Variants in NBEAL1 observed in about 807,000 individuals in gnomAD.
The protein encoded by NBEAL1 is neurobeachin-like protein 1.
A neutral mutation model predicts 351.3 loss-of-function variants in NBEAL1; 273 were observed. The observed-to-expected ratio is 0.78, with a 90% CI of 0.70 to 0.86. The LOEUF is 0.86. Among genes scored for constraint, NBEAL1 ranks in the 40% least tolerant of loss-of-function variants. NBEAL1 has a pLI of 0.00. For synonymous variants in NBEAL1, 1,050 were observed against 1,086.4 expected, an observed-to-expected ratio of 0.97 and a Z score of 0.66; for missense variants, 2,961 against 3,201.3, an observed-to-expected ratio of 0.92 and a Z score of 1.81.
chr2:203,100,648 G>A (rs1380251657), intron 12 of NBEAL1, among the ~76,000 whole-genome samples: 2 of 150,948 alleles, frequency 1.3e-5, no homozygotes, highest in Non-Finnish European at 2.9e-5. Context: ...CTGGTTTCAA[G>A]TGATGCTCCT....
In NBEAL1 at chr2:203,077,893, T is replaced by C. The variant is rs939766578; in HGVS notation, c.684+56T>C. ...AATTATAATTAACAGTGCAAAAAGCTTTCCATAGATTTAGTATGTTCTTTG... is the reference window on the plus strand; with the variant it reads ...AATTATAATTAACAGTGCAAAAAGCCTTCCATAGATTTAGTATGTTCTTTG... On this transcript the variant is annotated intron_variant, in intron 8 of 55. Coordinates refer to ENST00000683969, the MANE Select transcript of NBEAL1 (RefSeq NM_001378026.1). The C allele has an allele frequency of 4.4e-6, 4 of 910,354 alleles. No individual in the cohort carries two copies. The African/African-American group carries it at 6.9e-5, about 16-fold the overall frequency. The allele number at this position is 910,354 out of a possible 1,614,324, so 56.4% of individuals were successfully genotyped here.
intron 12 of NBEAL1, among the ~76,000 whole-genome samples, chr2:203,100,199 A>G (rs751780400): frequency 1.2e-4 from 18 of 152,316 alleles, no homozygotes; most frequent in Non-Finnish European, 2.4e-4. Flanking sequence ...GAATAGTGCT[A>G]TGATGAACAT....
At chr2:203,179,698 A>G (rs1056947017) in intron 42 of NBEAL1, among the ~76,000 whole-genome samples, 1 of 152,182 alleles carries the variant, frequency 6.6e-6, no homozygotes, top group Non-Finnish European at 1.5e-5. Flanking sequence ...TATTGATACT[A>G]TAATGTTTAT....
At chr2:203,147,479 A>C (rs149998505) in intron 33 of NBEAL1, among the ~76,000 whole-genome samples, 2 of 152,270 alleles carry the variant, frequency 1.3e-5, no homozygotes, top group East Asian at 3.9e-4. Flanking sequence ...TCTGCTGTAT[A>C]TATGCCAAAA....
In NBEAL1 at chr2:203,203,918, T is replaced by G. The variant is rs137982182; in HGVS notation, c.7506+1137T>G. 9.5e-5 allele frequency among the ~76,000 whole-genome samples: 14 copies of G among 147,578 alleles called. No individual in the cohort carries two copies. In the East Asian group the frequency reaches 2.7e-3, roughly 29 times the overall value. On this transcript the variant is annotated intron_variant, in intron 51 of 55. Coordinates refer to ENST00000683969, the MANE Select transcript of NBEAL1 (RefSeq NM_001378026.1). ...GCCATACCCTCTTTTGTTTTTTGTGTTTTTTTTGTTATTTTTTGTTTTTTT... is the reference window on the plus strand; with the variant it reads ...GCCATACCCTCTTTTGTTTTTTGTGGTTTTTTTGTTATTTTTTGTTTTTTT...
At position 203,136,753 on chromosome 2, in the gene NBEAL1, C is replaced by G; in HGVS notation, c.4544C>G (p.Pro1515Arg). ...KPGISSELLRPSDEIKLTLLQ... is the reference protein window; with the variant it reads ...KPGISSELLRRSDEIKLTLLQ... ...GGAATATCCAGTGAACTACTTCGAC[C>G]ATCAGATGAAATAAAACTAACGTAA... Residue 1515 changes from proline (P) to arginine (R), a missense_variant, in exon 29 of 56, where the codon CCA (proline) becomes CGA (arginine). By Grantham distance (103) the Pro-to-Arg change is moderately radical. Coordinates refer to ENST00000683969, the MANE Select transcript of NBEAL1 (RefSeq NM_001378026.1). 1.2e-6 allele frequency: 2 copies of G among 1,612,802 alleles called. No individual in the cohort carries two copies. Among genetic ancestry groups the G allele is most frequent in the Non-Finnish European group, 1.7e-6 (2 of 1,179,518 alleles).
chr2:203,053,771 C>T (rs2061361481), intron 4 of NBEAL1, among the ~76,000 whole-genome samples: 1 of 151,706 alleles, frequency 6.6e-6, no homozygotes, highest in Non-Finnish European at 1.5e-5. Context: ...TCCCACCTCA[C>T]CCTCCCAAAA....
intron 55 of NBEAL1, among the ~76,000 whole-genome samples, chr2:203,215,463 T>G (rs1163865859): frequency 6.6e-6 from 1 of 151,734 alleles, no homozygotes; most frequent in Non-Finnish European, 1.5e-5. Flanking sequence ...GAGCCGAGAT[T>G]GTGCCACTGC....
chr2:203,184,380 G>A (rs924294034), intron 44 of NBEAL1, among the ~76,000 whole-genome samples: 4 of 152,152 alleles, frequency 2.6e-5, no homozygotes, highest in South Asian at 2.1e-4. Context: ...ACAATGAGCT[G>A]AGATCGCACC....
In NBEAL1 at chr2:203,056,468, T is replaced by C. The variant is rs1293117840; in HGVS notation, c.347T>C (p.Ile116Thr). The C allele has an allele frequency of 6.4e-7, 1 of 1,551,236 alleles. No individual in the cohort carries two copies. Among genetic ancestry groups the C allele is most frequent in the Non-Finnish European group, 8.7e-7 (1 of 1,144,658 alleles). The change falls in exon 5 of 56, where the codon ATT becomes ACT. Residue 116 changes from isoleucine (I) to threonine (T), a missense_variant. Ile to Thr is a moderately conservative substitution (Grantham distance 89). Coordinates refer to ENST00000683969, the MANE Select transcript of NBEAL1 (RefSeq NM_001378026.1). ...GAAGAAATTGGGACTTGCTCGTACA[T>C]TAATTATGTCATCACCATGACAACA... ...NVEEIGTCSY[I>T]NYVITMTTLY...
chr2:203,053,573 G>A (rs1023050830), intron 4 of NBEAL1, among the ~76,000 whole-genome samples: 3 of 152,054 alleles, frequency 2.0e-5, no homozygotes, highest in Non-Finnish European at 4.4e-5. Flanking sequence ...TGTTGCCTGA[G>A]GTGCGGTGGC....
chr2:203,045,735 A>G (rs2061215218), intron 3 of NBEAL1, among the ~76,000 whole-genome samples: 1 of 152,210 alleles, frequency 6.6e-6, no homozygotes, highest in South Asian at 2.1e-4. Context: ...ACTCAGTGTA[A>G]AAATACTAGC....
At chr2:203,103,157 A>G (rs975940495) in intron 12 of NBEAL1, among the ~76,000 whole-genome samples, 2 of 150,376 alleles carry the variant, frequency 1.3e-5, no homozygotes, top group Admixed American at 6.6e-5. Flanking sequence ...GTAATGTCCT[A>G]TTTGTCATTT....
intron 3 of NBEAL1, 69 bp from the exon 4 acceptor site, chr2:203,049,745 C>G: frequency 7.4e-7 from 1 of 1,354,114 alleles, no homozygotes; most frequent in Non-Finnish European, 9.9e-7. Context: ...AAATGAAGTT[C>G]ATTTAAATGC....
Position 203,016,325 on chromosome 2 carries a change from G to T in NBEAL1, c.-60G>T. The stretch of plus-strand genomic sequence containing the variant: ...AAAACTTGGAAAATAAAATGGACAT[G>T]CTGTAGTCTTGAACATAATTTTTTT... On this transcript the variant is annotated 5_prime_UTR_variant, in exon 2 of 56. The change abolishes an upstream ATG in the 5' untranslated region. Transcript: ENST00000683969. 3.4e-6 allele frequency: 4 copies of T among 1,188,736 alleles called. No individual in the cohort carries two copies. The highest frequency in any genetic ancestry group is 4.7e-6 in the Non-Finnish European group (4 of 856,156). The allele number at this position is 1,188,736 out of a possible 1,614,324, so 73.6% of individuals were successfully genotyped here.
At chr2:203,185,600 A>G (rs1329488135) in intron 44 of NBEAL1, among the ~76,000 whole-genome samples, 1 of 152,158 alleles carries the variant, frequency 6.6e-6, no homozygotes, top group Non-Finnish European at 1.5e-5. Context: ...TCAACTGAGG[A>G]ATTCTGCTGG....
At chr2:203,161,710 A>G (rs950861273) in intron 36 of NBEAL1, among the ~76,000 whole-genome samples, 2 of 151,804 alleles carry the variant, frequency 1.3e-5, no homozygotes, top group Non-Finnish European at 2.9e-5. Flanking sequence ...GTGTGTGCCT[A>G]TAGTCTTAAC....
At chr2:203,144,548 AC>A in intron 31 of NBEAL1, 51 bp from the exon 32 acceptor site, 1 of 1,505,554 alleles carries the variant, frequency 6.6e-7, no homozygotes, top group Middle Eastern at 1.8e-4. Flanking sequence ...TTGTGCTTTC[AC>A]TAAATGTTTG....
chr2:203,058,643 T>C (rs1012604589), intron 6 of NBEAL1, among the ~76,000 whole-genome samples: 2 of 152,146 alleles, frequency 1.3e-5, no homozygotes, highest in Non-Finnish European at 2.9e-5. Context: ...ATTACTACAA[T>C]TAAGAATTCT....
Sources: gnomAD v4.1 joint callset for allele counts (sites outside exome capture counted in the v4.1 genomes callset) on GRCh38, gnomAD v4.1.1 for gene constraint, MANE v1.5 for transcripts, NCBI Gene and HGNC (gene_info 2026-07-23, HGNC 2026-07-21) for gene names.